FRK: variants seen among roughly 807,000 people sequenced by gnomAD.
The protein encoded by FRK is fyn related Src family tyrosine kinase.
FRK carries 51 observed loss-of-function variants against 56.4 expected under a neutral mutation model. The observed-to-expected ratio is 0.90, with a 90% CI of 0.72 to 1.14. FRK has a LOEUF of 1.14. Among genes scored for constraint, FRK ranks in the 50% most tolerant of loss-of-function variants. FRK has a pLI of 0.00. For missense variants in FRK, 570 were observed against 601.4 expected (o/e 0.95, Z 0.55); for synonymous variants, 245 against 217.9 (o/e 1.12, Z -1.10).
chr6:116,083,404 G>C, the FRK span, among the ~76,000 whole-genome samples: 1 of 152,122 alleles, frequency 6.6e-6, no homozygotes, highest in East Asian at 1.9e-4. Flanking sequence ...AAAATTAACA[G>C]CATGTTTGTA....
intron 5 of FRK, among the ~76,000 whole-genome samples, chr6:115,955,088 T>C (rs1415375352): frequency 6.6e-6 from 1 of 152,016 alleles, no homozygotes; most frequent in African/African-American, 2.4e-5. Context: ...TGTCAGGACA[T>C]AAAAAATTAA....
intron 1 of FRK, among the ~76,000 whole-genome samples, chr6:116,049,824 T>C (rs185099518): frequency 2.0e-5 from 3 of 152,240 alleles, no homozygotes; most frequent in Admixed American, 1.3e-4. Flanking sequence ...TAACAATAAA[T>C]ACAAAATCAT....
chr6:115,992,974 G>A (rs1030168510), intron 2 of FRK, among the ~76,000 whole-genome samples: 18 of 151,788 alleles, frequency 1.2e-4, no homozygotes, highest in African/African-American at 4.1e-4. Flanking sequence ...AGGACATTGG[G>A]AGAGATTCGA....
At chr6:115,999,371 A>C (rs1188877708) in intron 2 of FRK, among the ~76,000 whole-genome samples, 1 of 152,224 alleles carries the variant, frequency 6.6e-6, no homozygotes, top group Non-Finnish European at 1.5e-5. Context: ...TGCCATTATG[A>C]GAGGTGTCGT....
At chr6:116,087,532 A>G in the FRK span, among the ~76,000 whole-genome samples, 11 of 152,350 alleles carry the variant, frequency 7.2e-5, no homozygotes, top group East Asian at 2.1e-3. Context: ...TGACACGAAC[A>G]CGTTTGGAAA....
At chr6:116,062,892 CT>C (rs35975605), upstream of FRK, among the ~76,000 whole-genome samples, 1 of 152,166 alleles carries the variant, frequency 6.6e-6, no homozygotes, top group African/African-American at 2.4e-5. Context: ...ATTCCACAAA[CT>C]TTTTTTAAAG....
intron 2 of FRK, among the ~76,000 whole-genome samples, chr6:115,988,639 G>A (rs1053245053): frequency 4.6e-5 from 7 of 151,962 alleles, no homozygotes; most frequent in Admixed American, 3.3e-4. Flanking sequence ...AAGCCCTCCA[G>A]TGGCCCACAG....
chr6:115,950,715 C>A (rs1231295346), intron 5 of FRK, among the ~76,000 whole-genome samples: 1 of 152,154 alleles, frequency 6.6e-6, no homozygotes, highest in African/African-American at 2.4e-5. Flanking sequence ...AAGACACATG[C>A]ACATGCATGT....
chr6:116,048,585 C>G (rs901294789), intron 1 of FRK, among the ~76,000 whole-genome samples: 5 of 152,004 alleles, frequency 3.3e-5, no homozygotes, highest in African/African-American at 1.2e-4. Context: ...GGAGTCTCGC[C>G]ATGTTGCCCA....
intron 1 of FRK, among the ~76,000 whole-genome samples, chr6:116,055,052 C>G (rs528586967): frequency 6.6e-6 from 1 of 152,254 alleles, no homozygotes; most frequent in East Asian, 1.9e-4. Flanking sequence ...TTAAATTCCA[C>G]AGCATTCAAA....
Position 116,060,519 on chromosome 6 carries a change from C to G in FRK, c.-208G>C, listed in dbSNP as rs1582772468. 1.8e-6 allele frequency: 1 copy of G among 545,814 alleles called. No individual in the cohort carries two copies. The highest frequency in any genetic ancestry group is 3.2e-6 in the Non-Finnish European group (1 of 307,986). The allele number at this position is 545,814 out of a possible 1,614,324, so 33.8% of individuals were successfully genotyped here. ...AGACTTACCGGCTTGCTTTCTGTGG[C>G]TGGAGGTGCTACCCCGAGGCAAAAC... On this transcript the variant is annotated 5_prime_UTR_variant, in exon 1 of 8. Coordinates refer to ENST00000606080, the MANE Select transcript of FRK (RefSeq NM_002031.3).
intron 1 of FRK, among the ~76,000 whole-genome samples, chr6:116,045,584 C>G (rs1776917411): frequency 6.6e-6 from 1 of 152,154 alleles, no homozygotes; most frequent in Non-Finnish European, 1.5e-5. Flanking sequence ...AAAATTAACT[C>G]AAGATGCATT....
chr6:116,082,755 A>G, the FRK span, among the ~76,000 whole-genome samples: 1 of 152,186 alleles, frequency 6.6e-6, no homozygotes, highest in East Asian at 1.9e-4. Flanking sequence ...GGTCTATTAG[A>G]TCTCCAAATG....
At chr6:116,075,422 TGA>T in the FRK span, among the ~76,000 whole-genome samples, 2 of 150,944 alleles carry the variant, frequency 1.3e-5, no homozygotes, top group Non-Finnish European at 2.9e-5. Context: ...ATAGTATTTT[TGA>T]TTTTGGTGTG....
intron 1 of FRK, chr6:116,038,808 A>G (rs1776590884): frequency 2.0e-6 from 1 of 504,112 alleles, no homozygotes; most frequent in Admixed American, 2.4e-5. Context: ...AACCGACGGA[A>G]GAAGAGCCTG....
intron 1 of FRK, among the ~76,000 whole-genome samples, chr6:116,016,885 A>T (rs1249624192): frequency 1.3e-5 from 2 of 152,222 alleles, no homozygotes; most frequent in African/African-American, 4.8e-5. Flanking sequence ...ACTTTGAAAT[A>T]GTAGAAACTG....
At chr6:116,062,806 C>CAGTT (rs1466605505), upstream of FRK, among the ~76,000 whole-genome samples, 1 of 152,232 alleles carries the variant, frequency 6.6e-6, no homozygotes, top group African/African-American at 2.4e-5. Flanking sequence ...CCAAGTCTTG[C>CAGTT]AGTTATCTTT....
intron 1 of FRK, among the ~76,000 whole-genome samples, chr6:116,032,215 G>T (rs956095159): frequency 5.3e-5 from 8 of 151,856 alleles, no homozygotes; most frequent in African/African-American, 1.9e-4. Context: ...AGACTAATAG[G>T]CAATATTATA....
chr6:116,097,865 T>A, the FRK span, among the ~76,000 whole-genome samples: 1 of 152,194 alleles, frequency 6.6e-6, no homozygotes, highest in Non-Finnish European at 1.5e-5. Context: ...CAAGTTCATG[T>A]CCTTTACAGA....
Sources: allele counts gnomAD v4.1 joint callset (sites outside exome capture counted in the v4.1 genomes callset), GRCh38; gene constraint gnomAD v4.1.1; transcripts MANE v1.5; gene names NCBI Gene and HGNC (gene_info 2026-07-23, HGNC 2026-07-21).